Variants in PKD1L1 observed in about 807,000 individuals in gnomAD.
PKD1L1 encodes polycystin 1 like 1, transient receptor potential channel interacting, also known as polycystin-1-like protein 1.
Under a neutral mutation model 323.4 loss-of-function variants are expected in PKD1L1, and 236 were observed. The observed-to-expected ratio is 0.73, with a 90% CI of 0.66 to 0.81. The LOEUF (loss-of-function observed/expected upper bound fraction) is 0.81. Among genes scored for constraint, PKD1L1 ranks in the 40% least tolerant of loss-of-function variants. The pLI is 0.00. For missense variants in PKD1L1, 3,320 were observed against 3,508.0 expected (o/e 0.95, Z 1.35); for synonymous variants, 1,344 against 1,335.0 (o/e 1.01, Z -0.15).
intron 52 of PKD1L1, 150 bp downstream of exon 52, chr7:47,808,096 TG>T: frequency 1.0e-6 from 1 of 973,446 alleles, no homozygotes; most frequent in Non-Finnish European, 1.5e-6. Flanking sequence ...TTCACTGTCC[TG>T]GCCACTCCCA....
chr7:47,905,823 G>A lies in PKD1L1; in HGVS notation c.1522+20C>T. 1.2e-6 allele frequency: 2 copies of A among 1,609,968 alleles called. No homozygotes were observed. The highest frequency in any genetic ancestry group is 1.7e-6 in the Non-Finnish European group (2 of 1,179,092). On this transcript the variant is annotated intron_variant, in intron 10 of 56. Transcript: ENST00000289672. ...GCGAGGGAGGTTTTTGTTAAATCTG[G>A]AATTAAAACAAAGACATACATTGCA...
chr7:47,819,488 CA>C (rs1303819095), intron 46 of PKD1L1: 1 of 1,271,128 alleles, frequency 7.9e-7, no homozygotes, highest in Admixed American at 3.1e-5. Context: ...CCCAAATTAT[CA>C]CTTTGTTTTG....
At chr7:47,917,205 T>C (rs1025737121) in intron 7 of PKD1L1, among the ~76,000 whole-genome samples, 2 of 152,074 alleles carry the variant, frequency 1.3e-5, no homozygotes, top group African/African-American at 4.8e-5. Context: ...AGCAATAGAA[T>C]TGAGCAAGTA....
At chr7:47,957,495 A>G in the PKD1L1 span, among the ~76,000 whole-genome samples, 15 of 152,268 alleles carry the variant, frequency 9.9e-5, no homozygotes, top group Admixed American at 7.2e-4. Flanking sequence ...TACAAAATCT[A>G]CAAACAAAAA....
chr7:47,797,387 A>G (rs1356589392), intron 54 of PKD1L1, among the ~76,000 whole-genome samples: 2 of 152,220 alleles, frequency 1.3e-5, no homozygotes, highest in African/African-American at 2.4e-5. Context: ...TTGTGGTCAT[A>G]TGTTTGTTCT....
chr7:47,901,643 G>C (rs974167601), intron 13 of PKD1L1, among the ~76,000 whole-genome samples: 1 of 152,220 alleles, frequency 6.6e-6, no homozygotes, highest in Non-Finnish European at 1.5e-5. Flanking sequence ...AGGTGGGCAG[G>C]GGTATTGCCT....
intron 46 of PKD1L1, among the ~76,000 whole-genome samples, chr7:47,820,342 T>A (rs886170469): frequency 6.6e-6 from 1 of 152,182 alleles, no homozygotes; most frequent in Non-Finnish European, 1.5e-5. Context: ...TTCTGCTAGA[T>A]TTACCTATGA....
intron 13 of PKD1L1, among the ~76,000 whole-genome samples, chr7:47,901,931 C>T (rs1583660989): frequency 6.6e-6 from 1 of 151,924 alleles, no homozygotes; most frequent in African/African-American, 2.4e-5. Context: ...AACAGATAAC[C>T]GATCATGTCC....
chr7:47,948,372 C>T lies in PKD1L1; in HGVS notation c.44+25G>A, dbSNP rs138020033. The T allele has an allele frequency of 5.4e-4, 864 of 1,613,746 alleles. 10 individuals are homozygous for T. The African/African-American group carries it at 0.01, about 19-fold the overall frequency. ...ATACTTTAAAATCAAGCTTACCAAA[C>T]CCTCTGAGAACAGTGATAACTCACC... On this transcript the variant is annotated intron_variant, in intron 1 of 56. Transcript: ENST00000289672.
At chr7:47,855,066 G>A (rs771034663) in intron 29 of PKD1L1, 27 bp from the exon 30 acceptor site, 1 of 1,607,858 alleles carries the variant, frequency 6.2e-7, no homozygotes, top group Non-Finnish European at 8.5e-7. Flanking sequence ...AACAAGTTAA[G>A]CAAAATTTGC....
rs536655765 is a variant in PKD1L1, at chr7:47,829,480, C to T, written c.6680G>A (p.Arg2227His). ...DSELAERSWT[R>H]LPFSSSCSIP... The stretch of plus-strand genomic sequence containing the variant: ...ACTGCAGCTTGAAGAGAAGGGGAGG[C>T]GAGTCCAGGAACGTTCTGCCAATTC... Residue 2227 changes from arginine (R) to histidine (H), a missense_variant, in exon 44 of 57, where the codon CGC becomes CAC. Physicochemically the swap from Arg to His is conservative, Grantham distance 29 (BLOSUM62 0). Transcript: ENST00000289672. 58 of 1,613,960 alleles carry T rather than the reference C, an allele frequency of 3.6e-5. No individual in the cohort carries two copies. Among genetic ancestry groups the T allele is most frequent in the Non-Finnish European group, 4.1e-5 (48 of 1,180,014 alleles).
In PKD1L1 at chr7:47,858,858, G is replaced by A. The variant is rs1399175876; in HGVS notation, c.4177C>T (p.Leu1393Phe). ...GCAAGGAGTGCCCGGGTGTACTTGA[G>A]GATGAGAACCGCACTCATAAAGCCT... ...KLGFMSAVLILKYTRALLAQG... is the reference protein window; with the variant it reads ...KLGFMSAVLIFKYTRALLAQG... The change falls in exon 27 of 57, where the codon CTC becomes TTC. Residue 1393 changes from leucine to phenylalanine, a missense_variant. Leu to Phe is a conservative substitution (Grantham distance 22). Coordinates refer to ENST00000289672, the MANE Select transcript of PKD1L1 (RefSeq NM_138295.5). 1.9e-5 allele frequency: 30 copies of A among 1,613,782 alleles called. 1 individual carries two copies. The highest frequency in any genetic ancestry group is 2.1e-5 in the Non-Finnish European group (25 of 1,179,986).
At chr7:47,926,199 T>C (rs1015016223) in intron 7 of PKD1L1, among the ~76,000 whole-genome samples, 6 of 152,254 alleles carry the variant, frequency 3.9e-5, no homozygotes, top group African/African-American at 1.4e-4. Flanking sequence ...GGCTGCTACC[T>C]GGAGGCTTTG....
chr7:47,884,575 A>G (rs1562972385), intron 19 of PKD1L1, 23 bp downstream of exon 19: 1 of 1,609,290 alleles, frequency 6.2e-7, no homozygotes, highest in East Asian at 2.2e-5. Flanking sequence ...GGAGAGAGGC[A>G]GCAGGCATAG....
rs766273857 is a variant in PKD1L1, at chr7:47,790,330, AATAAT to A, written c.8526+2292_8526+2296del. Among the ~76,000 whole-genome samples the A allele has an allele frequency of 1.8e-3, 212 of 116,876 alleles. 1 individual carries two copies. Among genetic ancestry groups the A allele is most frequent in the Middle Eastern group, 8.8e-3 (2 of 226 alleles). 76.7% of individuals were successfully genotyped at this position (116,876 alleles called of 152,430 possible). A position where few individuals can be genotyped will look rare whatever the true frequency, so the allele number is the denominator to read the frequency against. On this transcript the variant is annotated intron_variant, in intron 56 of 56. Coordinates refer to ENST00000289672, the MANE Select transcript of PKD1L1 (RefSeq NM_138295.5). ...AAACAATAATAATAATTGCTAAATA[AATAAT>A]TTTTTTTTTTTTGAGATGGAGTCTC... is the stretch of plus-strand genomic sequence containing the variant.
intron 56 of PKD1L1, among the ~76,000 whole-genome samples, chr7:47,775,642 A>T (rs1584936154): frequency 6.6e-6 from 1 of 152,330 alleles, no homozygotes; most frequent in Non-Finnish European, 1.5e-5. Context: ...CAATACTCCG[A>T]GAGAAATCTG....
intron 12 of PKD1L1, among the ~76,000 whole-genome samples, chr7:47,903,568 C>T (rs771976979): frequency 6.6e-6 from 1 of 152,206 alleles, no homozygotes; most frequent in Non-Finnish European, 1.5e-5. Context: ...TCAGTCCCCA[C>T]CAAAGCGTGG....
chr7:47,836,193 G>A (rs973092158), intron 37 of PKD1L1, among the ~76,000 whole-genome samples: 1 of 152,018 alleles, frequency 6.6e-6, no homozygotes, highest in African/African-American at 2.4e-5. Context: ...ATTGTTATTG[G>A]ATCTCTCTGA....
chr7:47,880,292 T>TTTTTTTTTTTTTTTC (rs1786522009), intron 21 of PKD1L1, among the ~76,000 whole-genome samples: 1 of 99,598 alleles, frequency 1.0e-5, no homozygotes, highest in Non-Finnish European at 2.0e-5. Flanking sequence ...ATATTTTTTT[T>TTTTTTTTTTTTTTTC]TTTTTTTTTG....
Sources: allele counts gnomAD v4.1 joint callset (sites outside exome capture counted in the v4.1 genomes callset), GRCh38; gene constraint gnomAD v4.1.1; transcripts MANE v1.5; gene names NCBI Gene and HGNC (gene_info 2026-07-23, HGNC 2026-07-21).